The following QTGAL variants were observed in gnomAD, a reference collection of about 807,000 sequenced individuals.
QTGAL encodes queuosine-tRNA galactosyltransferase, also known as BGnT-like protein 1.
the QTGAL span, among the ~76,000 whole-genome samples, chr17:83,037,821 T>C: frequency 6.6e-6 from 1 of 152,220 alleles, no homozygotes; most frequent in Non-Finnish European, 1.5e-5. The surrounding 1 kb of genome is among the most constrained non-coding windows in gnomAD (Gnocchi z 5.2). Context: ...TTTCTCACAA[T>C]GAATCCTGTG....
chr17:83,002,650 C>G, the QTGAL span, among the ~76,000 whole-genome samples: 35 of 152,318 alleles, frequency 2.3e-4, 1 homozygote, highest in African/African-American at 7.9e-4. Context: ...ACGTCCCCTC[C>G]CTCAGACGGC....
At chr17:83,036,162 C>A in the QTGAL span, among the ~76,000 whole-genome samples, 1 of 152,224 alleles carries the variant, frequency 6.6e-6, no homozygotes, top group African/African-American at 2.4e-5. Flanking sequence ...CTGGGAACTA[C>A]CCAAGTGCAG....
chr17:82,957,809 G>C, the QTGAL span, among the ~76,000 whole-genome samples: 324 of 152,290 alleles, frequency 2.1e-3, 2 homozygotes, highest in East Asian at 5.8e-3. Flanking sequence ...CTTGACCCAA[G>C]TCCAGTTTCC....
At chr17:83,018,286 CGGT>C in the QTGAL span, among the ~76,000 whole-genome samples, 2 of 151,676 alleles carry the variant, frequency 1.3e-5, no homozygotes, top group African/African-American at 2.4e-5. Context: ...TCCACAAACA[CGGT>C]GCGCCTGCAT....
chr17:82,983,755 G>A, the QTGAL span, among the ~76,000 whole-genome samples: 1,721 of 152,314 alleles, frequency 0.011, 37 homozygotes, highest in African/African-American at 0.039. Context: ...GCCCCGGGGC[G>A]GAGGAGGGTG....
At chr17:82,954,397 CA>C in the QTGAL span, among the ~76,000 whole-genome samples, 1 of 151,612 alleles carries the variant, frequency 6.6e-6, no homozygotes, top group Admixed American at 6.6e-5. Context: ...ACAATTGCTA[CA>C]AAGAAAATAA....
At chr17:82,946,030 C>T in the QTGAL span, 4 of 152,234 alleles carry the variant, frequency 2.6e-5, no homozygotes, top group South Asian at 8.3e-4. Flanking sequence ...CATCTTAAGT[C>T]TATGTTCTCC....
At chr17:82,954,073 T>C in the QTGAL span, among the ~76,000 whole-genome samples, 1 of 152,210 alleles carries the variant, frequency 6.6e-6, no homozygotes, top group Non-Finnish European at 1.5e-5. Context: ...GCATTCCCTT[T>C]GAAAACTGGC....
the QTGAL span, chr17:82,944,303 C>T: frequency 6.6e-6 from 1 of 152,188 alleles, no homozygotes; most frequent in Admixed American, 6.5e-5. Context: ...CACTGGGGCA[C>T]TTGTGCTCAC....
the QTGAL span, among the ~76,000 whole-genome samples, chr17:82,996,488 C>T: frequency 5.9e-4 from 89 of 149,758 alleles, no homozygotes; most frequent in Middle Eastern, 3.4e-3. Context: ...CGCGACTGCA[C>T]TCCAGCCTGG....
At chr17:82,961,028 C>T in the QTGAL span, 32 of 1,593,550 alleles carry the variant, frequency 2.0e-5, no homozygotes, top group Non-Finnish European at 2.6e-5. Context: ...GCCTCTCAGG[C>T]GTCCCGGGGC....
At chr17:83,038,821 C>G in the QTGAL span, among the ~76,000 whole-genome samples, 1 of 150,966 alleles carries the variant, frequency 6.6e-6, no homozygotes, top group South Asian at 2.1e-4. Context: ...ATCGCGCCAC[C>G]GCACTCCAGC....
At chr17:82,989,518 A>G in the QTGAL span, among the ~76,000 whole-genome samples, 3 of 137,136 alleles carry the variant, frequency 2.2e-5, no homozygotes, top group African/African-American at 8.3e-5. Context: ...AAAAAAAAAG[A>G]TGGTTACCAC....
chr17:82,960,498 A>T, the QTGAL span: 1 of 142,798 alleles, frequency 7.0e-6, no homozygotes, highest in Non-Finnish European at 1.6e-5. Context: ...TAAGGAAGGA[A>T]TTCTACATGC....
the QTGAL span, among the ~76,000 whole-genome samples, chr17:83,008,075 G>C: frequency 6.6e-6 from 1 of 152,184 alleles, no homozygotes; most frequent in Admixed American, 6.5e-5. Flanking sequence ...CTCTCAAGAG[G>C]AGGAGGAGGC....
the QTGAL span, among the ~76,000 whole-genome samples, chr17:83,046,907 C>G: frequency 2.4e-4 from 37 of 152,132 alleles, no homozygotes; most frequent in African/African-American, 8.7e-4. Context: ...GAACGGAGCA[C>G]GATACATGCC....
At chr17:83,000,861 G>GT in the QTGAL span, among the ~76,000 whole-genome samples, 1 of 152,256 alleles carries the variant, frequency 6.6e-6, no homozygotes, top group Admixed American at 6.5e-5. Context: ...GGCCAGACCA[G>GT]TGAAGCACAC....
chr17:83,014,090 A>G, the QTGAL span, among the ~76,000 whole-genome samples: 1 of 152,222 alleles, frequency 6.6e-6, no homozygotes, highest in South Asian at 2.1e-4. Context: ...AAGCCGTTCT[A>G]AAGATAAAAA....
the QTGAL span, among the ~76,000 whole-genome samples, chr17:83,023,959 C>T: frequency 2.6e-3 from 393 of 152,328 alleles, 1 homozygote; most frequent in African/African-American, 8.9e-3. Context: ...TGCTTCCTCC[C>T]CTGTGGATTC....
Sources: gnomAD v4.1 joint callset for allele counts (sites outside exome capture counted in the v4.1 genomes callset) on GRCh38, gnomAD v4.1.1 for gene constraint, Gnocchi (gnomAD v3.1) non-coding constraint, MANE v1.5 for transcripts, NCBI Gene and HGNC (gene_info 2026-07-23, HGNC 2026-07-21) for gene names.